Variants in LINGO2 observed in about 807,000 individuals in gnomAD.
LINGO2 encodes leucine rich repeat and Ig domain containing 2.
LINGO2 carries 14 observed loss-of-function variants against 30.6 expected under a neutral mutation model. That is an observed-to-expected ratio of 0.46 (90% CI 0.30 to 0.72). The LOEUF (loss-of-function observed/expected upper bound fraction) is 0.72, where lower values mean the gene tolerates loss of function less well. LINGO2 is among the 30% of genes least tolerant of loss of function. The pLI is 0.07. For missense variants in LINGO2, 729 were observed against 751.7 expected, an observed-to-expected ratio of 0.97 and a Z score of 0.35; for synonymous variants, 317 against 288.5, an observed-to-expected ratio of 1.10 and a Z score of -1.00.
In LINGO2 at chr9:28,050,605, G is replaced by A. The variant is rs905175800; in HGVS notation, c.-86-38200C>T. Among the ~76,000 whole-genome samples, 5 of 150,706 alleles carry A rather than the reference G, an allele frequency of 3.3e-5. No homozygotes were observed. The Admixed American group carries it at 3.3e-4, about 10-fold the overall frequency. On this transcript the variant is annotated intron_variant, in intron 4 of 5. Transcript: ENST00000379992. ...ATAACAGTTAAAAGAACACTACTAT[G>A]CTAATTAGAAACAATTGCATATGAA...
intron 2 of LINGO2, among the ~76,000 whole-genome samples, chr9:28,411,406 G>A (rs1822758460): frequency 6.6e-6 from 1 of 151,944 alleles, no homozygotes; most frequent in African/African-American, 2.4e-5. Flanking sequence ...CAATTCAGTG[G>A]TATCATGTAC....
the LINGO2 span, among the ~76,000 whole-genome samples, chr9:28,996,021 A>T: frequency 1.9e-4 from 7 of 36,740 alleles, no homozygotes; most frequent in South Asian, 7.7e-4. Context: ...AAAGTATAAT[A>T]AAAAAAATGA....
At chr9:28,840,256 T>A in the LINGO2 span, among the ~76,000 whole-genome samples, 4 of 151,806 alleles carry the variant, frequency 2.6e-5, no homozygotes, top group Non-Finnish European at 5.9e-5. Flanking sequence ...CTCCCACCTG[T>A]TCCTGGCGAC....
chr9:29,048,375 T>C, the LINGO2 span, among the ~76,000 whole-genome samples: 1 of 151,538 alleles, frequency 6.6e-6, no homozygotes, highest in Non-Finnish European at 1.5e-5. Flanking sequence ...AGAAAAAATA[T>C]TGTTAAAATG....
the LINGO2 span, among the ~76,000 whole-genome samples, chr9:29,123,934 C>T: frequency 6.6e-6 from 1 of 151,834 alleles, no homozygotes; most frequent in Non-Finnish European, 1.5e-5. Context: ...TTTTTAAAGA[C>T]CCAATTTCTA....
chr9:29,196,108 C>T, the LINGO2 span, among the ~76,000 whole-genome samples: 2 of 152,022 alleles, frequency 1.3e-5, no homozygotes, highest in African/African-American at 2.4e-5. Flanking sequence ...TCTTGTTAAT[C>T]GTCCTAACAA....
At chr9:28,014,328 C>G (rs1390048661) in intron 4 of LINGO2, among the ~76,000 whole-genome samples, 2 of 152,136 alleles carry the variant, frequency 1.3e-5, no homozygotes, top group East Asian at 3.9e-4. Flanking sequence ...TCTCTTGATA[C>G]AAGTGCTACT....
intron 3 of LINGO2, among the ~76,000 whole-genome samples, chr9:28,308,647 C>T (rs1006345105): frequency 6.8e-6 from 1 of 148,132 alleles, no homozygotes; most frequent in African/African-American, 2.5e-5. Context: ...AACAGGCAAC[C>T]TACAAAATGG....
chr9:28,719,269 C>T, the LINGO2 span, among the ~76,000 whole-genome samples: 4 of 152,002 alleles, frequency 2.6e-5, no homozygotes, highest in African/African-American at 7.2e-5. Flanking sequence ...TCTTCCACAA[C>T]GAACATGTTG....
At chr9:28,570,101 T>C (rs1310916215) in intron 1 of LINGO2, among the ~76,000 whole-genome samples, 1 of 151,872 alleles carries the variant, frequency 6.6e-6, no homozygotes, top group Non-Finnish European at 1.5e-5. Flanking sequence ...CAAATATTTT[T>C]AAAACAGACA....
intron 1 of LINGO2, among the ~76,000 whole-genome samples, chr9:28,553,543 G>C (rs1028500502): frequency 2.0e-5 from 3 of 152,078 alleles, no homozygotes; most frequent in East Asian, 3.9e-4. Context: ...GGAAGTGATG[G>C]GGAGAATGGA....
At chr9:28,240,825 T>C (rs1443652719) in intron 4 of LINGO2, among the ~76,000 whole-genome samples, 2 of 152,110 alleles carry the variant, frequency 1.3e-5, no homozygotes, top group Non-Finnish European at 2.9e-5. Flanking sequence ...CTGAAGTTTA[T>C]AAAAACTTAA....
the LINGO2 span, among the ~76,000 whole-genome samples, chr9:29,212,098 G>T: frequency 2.0e-5 from 3 of 152,310 alleles, no homozygotes; most frequent in East Asian, 5.8e-4. Flanking sequence ...ACCTCCCGGG[G>T]CTGCCCTCAG....
intron 1 of LINGO2, among the ~76,000 whole-genome samples, chr9:28,574,221 T>C (rs1168418662): frequency 6.6e-6 from 1 of 152,194 alleles, no homozygotes; most frequent in Non-Finnish European, 1.5e-5. Flanking sequence ...GTGGATGCAC[T>C]TCAAAGCACC....
intron 3 of LINGO2, among the ~76,000 whole-genome samples, chr9:28,321,161 G>C (rs16912704): frequency 6.6e-6 from 1 of 152,054 alleles, no homozygotes. Context: ...TTATCAAAGA[G>C]TTGAATACAA....
the LINGO2 span, among the ~76,000 whole-genome samples, chr9:28,837,668 ATATATATATATATTTAG>A: frequency 4.1e-5 from 5 of 121,606 alleles, no homozygotes; most frequent in Admixed American, 4.3e-4. Flanking sequence ...ATACATATAT[ATATATATATATATTTAG>A]GATAACAGGG....
intron 4 of LINGO2, among the ~76,000 whole-genome samples, chr9:28,024,543 C>CTTCAGATT (rs1340428211): frequency 6.6e-6 from 1 of 152,184 alleles, no homozygotes; most frequent in Non-Finnish European, 1.5e-5. Flanking sequence ...TCTTTCAGAT[C>CTTCAGATT]TTCAGATTTT....
At chr9:29,039,094 G>T in the LINGO2 span, among the ~76,000 whole-genome samples, 59,585 of 151,810 alleles carry the variant, frequency 0.39, 11,956 homozygotes, top group East Asian at 0.54. Flanking sequence ...TACAACCAGC[G>T]GCAAATTCAT....
intron 4 of LINGO2, among the ~76,000 whole-genome samples, chr9:28,049,101 C>T (rs1824554553): frequency 6.6e-6 from 1 of 150,970 alleles, no homozygotes; most frequent in African/African-American, 2.4e-5. Context: ...GTTTGCACAT[C>T]ACTAAGTGTA....
Sources: gnomAD v4.1 joint callset for allele counts (sites outside exome capture counted in the v4.1 genomes callset) on GRCh38, gnomAD v4.1.1 for gene constraint, MANE v1.5 for transcripts, NCBI Gene and HGNC (gene_info 2026-07-23, HGNC 2026-07-21) for gene names.